Variants in FAM86B2 observed in about 807,000 individuals in gnomAD.
FAM86B2 encodes putative protein N-methyltransferase FAM86B2.
A neutral mutation model predicts 26.5 loss-of-function variants in FAM86B2; 1 was observed. That is an observed-to-expected ratio of 0.04 (90% CI 0.01 to 0.18). The LOEUF (loss-of-function observed/expected upper bound fraction) is 0.18, where lower values mean the gene tolerates loss of function less well. FAM86B2 is among the 10% of genes least tolerant of loss of function. The pLI, the probability that FAM86B2 is intolerant of heterozygous loss-of-function variation, is 1.00. For missense variants in FAM86B2, 43 were observed against 303.5 expected (o/e 0.14, Z 6.38); for synonymous variants, 11 against 127.8 (o/e 0.09, Z 6.17).
chr8:12,429,573 C>A (rs558333850), intron 4 of FAM86B2, among the ~76,000 whole-genome samples: 2 of 56,934 alleles, frequency 3.5e-5, no homozygotes, highest in African/African-American at 1.3e-4. Context: ...TGGGTTCAAG[C>A]AATTCTCCTG....
rs1225221357 is a variant in FAM86B2 at position 12,424,720 on chromosome 8, C to A, written c.*1169G>T. On this transcript the variant is annotated 3_prime_UTR_variant, in exon 8 of 8. Coordinates refer to ENST00000262365, the MANE Select transcript of FAM86B2 (RefSeq NM_001137610.3). ...ATGTCAAGTTGGAGGTGGAGCGCTG[C>A]TGGGTTGTGAAGGGTCTCAAGTCCA... is the stretch of plus-strand genomic sequence containing the variant. 8.7e-6 allele frequency among the ~76,000 whole-genome samples: 1 copy of A among 114,904 alleles called. No individual in the cohort carries two copies. The highest frequency in any genetic ancestry group is 3.7e-4 in the South Asian group (1 of 2,720). The allele number at this position is 114,904 out of a possible 152,430, so 75.4% of individuals were successfully genotyped here.
At chr8:12,428,330 A>T (rs3988757) in intron 6 of FAM86B2, among the ~76,000 whole-genome samples, 2 of 149,534 alleles carry the variant, frequency 1.3e-5, no homozygotes, top group African/African-American at 4.9e-5. Context: ...CTGACCTCGT[A>T]CCAGAAGTGG....
intron 7 of FAM86B2, among the ~76,000 whole-genome samples, chr8:12,426,217 C>T (rs1429120641): frequency 6.7e-6 from 1 of 148,222 alleles, no homozygotes; most frequent in Non-Finnish European, 1.5e-5. Context: ...CCGCTGTCCA[C>T]TCTGTGCCTG....
chr8:12,434,975 G>A (rs1454680707), intron 1 of FAM86B2, among the ~76,000 whole-genome samples: 1 of 151,568 alleles, frequency 6.6e-6, no homozygotes, highest in Non-Finnish European at 1.5e-5. Flanking sequence ...GCTCTCCCAT[G>A]CAAGCAGAGC....
chr8:12,426,377 G>A lies in FAM86B2; in HGVS notation c.893-388C>T, dbSNP rs373223689. Among the ~76,000 whole-genome samples the A allele has an allele frequency of 2.8e-4, 40 of 140,968 alleles. 1 individual carries two copies. In the East Asian group the frequency reaches 5.9e-3, roughly 21 times the overall value. The allele number at this position is 140,968 out of a possible 152,430, so 92.5% of individuals were successfully genotyped here. On this transcript the variant is annotated intron_variant, in intron 7 of 7. Transcript: ENST00000262365. ...TCAAAAAAAAAAAAAGGTTGGTTGA[G>A]GCTTATACTATGTGTGCTGCTTGGC...
rs2150871502 is a variant in FAM86B2 at position 12,424,514 on chromosome 8, T to A, written c.*1375A>T. On this transcript the variant is annotated 3_prime_UTR_variant, in exon 8 of 8. Coordinates refer to ENST00000262365, the MANE Select transcript of FAM86B2 (RefSeq NM_001137610.3). ...GTTTGTGATCCTTGATTCAGACAGT[T>A]TAGCAAGGCTGAAAAGAACACCCAC... 9.2e-6 allele frequency among the ~76,000 whole-genome samples: 1 copy of A among 108,290 alleles called. No individual in the cohort carries two copies. The highest frequency in any genetic ancestry group is 1.1e-4 in the Admixed American group (1 of 8,896). 71.0% of individuals were successfully genotyped at this position (108,290 alleles called of 152,430 possible).
At chr8:12,428,530 C>G in intron 6 of FAM86B2, 103 bp downstream of exon 6, 1 of 1,524,680 alleles carries the variant, frequency 6.6e-7, no homozygotes, top group East Asian at 2.4e-5. Context: ...AGCCCCATCA[C>G]GTCCATGCCC....
At chr8:12,435,393 T>C (rs3988710) in intron 1 of FAM86B2, among the ~76,000 whole-genome samples, 2 of 100,518 alleles carry the variant, frequency 2.0e-5, no homozygotes, top group South Asian at 3.8e-4. Flanking sequence ...TAGCATTCAG[T>C]GTGGGCATGT....
intron 1 of FAM86B2, among the ~76,000 whole-genome samples, chr8:12,434,846 C>T (rs1421171259): frequency 2.0e-5 from 3 of 150,694 alleles, no homozygotes; most frequent in African/African-American, 7.4e-5. Flanking sequence ...GGGAAGGCTT[C>T]CCTGATTCCC....
At chr8:12,426,468 C>CTTTTT (rs1184890675) in intron 7 of FAM86B2, among the ~76,000 whole-genome samples, 4 of 14,688 alleles carry the variant, frequency 2.7e-4, no homozygotes, top group Non-Finnish European at 3.7e-4. Context: ...GAAAGACTTC[C>CTTTTT]TTTTTTTTTT....
intron 1 of FAM86B2, among the ~76,000 whole-genome samples, chr8:12,435,782 C>T (rs1245482906): frequency 2.1e-5 from 3 of 140,558 alleles, no homozygotes; most frequent in South Asian, 4.7e-4. Context: ...AAAGCCTCAG[C>T]GCATGAGCCG....
At chr8:12,428,194 T>C (rs1352294115) in intron 6 of FAM86B2, among the ~76,000 whole-genome samples, 1 of 135,794 alleles carries the variant, frequency 7.4e-6, no homozygotes, top group Non-Finnish European at 1.6e-5. Flanking sequence ...GCTGGACCTG[T>C]GGGTTTCAGG....
intron 2 of FAM86B2, among the ~76,000 whole-genome samples, chr8:12,433,543 G>A (rs1423872155): frequency 6.7e-6 from 1 of 150,328 alleles, no homozygotes; most frequent in Non-Finnish European, 1.5e-5. Flanking sequence ...AGGATGCAGG[G>A]TGATCTGCAC....
chr8:12,428,242 CAG>C (rs1812939110), intron 6 of FAM86B2, among the ~76,000 whole-genome samples: 1 of 139,572 alleles, frequency 7.2e-6, no homozygotes, highest in Admixed American at 7.4e-5. Context: ...TCTGTTCCAC[CAG>C]AGAGGGGACT....
At chr8:12,426,307 T>C (rs1366107820) in intron 7 of FAM86B2, among the ~76,000 whole-genome samples, 11 of 141,146 alleles carry the variant, frequency 7.8e-5, no homozygotes, top group African/African-American at 2.7e-4. Context: ...GTCAACTCAC[T>C]CTTCACAAAG....
chr8:12,426,317 G>A (rs1353508180), intron 7 of FAM86B2, among the ~76,000 whole-genome samples: 1 of 141,770 alleles, frequency 7.1e-6, no homozygotes, highest in South Asian at 2.2e-4. Context: ...TCTTCACAAA[G>A]CTTAGAAAGT....
At chr8:12,435,645 G>T (rs1310689512) in intron 1 of FAM86B2, among the ~76,000 whole-genome samples, 1 of 138,434 alleles carries the variant, frequency 7.2e-6, no homozygotes, top group Admixed American at 7.0e-5. Context: ...CAAATGGAAC[G>T]GGGTGCATTA....
rs1158860528 is a variant in FAM86B2 at position 12,429,439 on chromosome 8, A to G, written c.343-325T>C. 6.1e-5 allele frequency among the ~76,000 whole-genome samples: 4 copies of G among 65,504 alleles called. 2 individuals carry two copies. The highest frequency in any genetic ancestry group is 5.8e-5 in the Non-Finnish European group (2 of 34,518). 43.0% of individuals were successfully genotyped at this position (65,504 alleles called of 152,430 possible). The stretch of plus-strand genomic sequence containing the variant: ...GAGGTGGCTGCCTTGTGATGATTCA[A>G]TATGCTATGTTTTTCCTTTGTGGTT... On this transcript the variant is annotated intron_variant, in intron 4 of 7. Coordinates refer to ENST00000262365, the MANE Select transcript of FAM86B2 (RefSeq NM_001137610.3).
intron 1 of FAM86B2, among the ~76,000 whole-genome samples, chr8:12,435,601 T>A (rs1263196345): frequency 7.3e-6 from 1 of 137,752 alleles, no homozygotes; most frequent in Non-Finnish European, 1.6e-5. Context: ...ATATCCCAAC[T>A]GACTCATCCA....
Sources: gnomAD v4.1 joint callset for allele counts (sites outside exome capture counted in the v4.1 genomes callset) on GRCh38, gnomAD v4.1.1 for gene constraint, MANE v1.5 for transcripts, NCBI Gene and HGNC (gene_info 2026-07-23, HGNC 2026-07-21) for gene names.